FBXL13: variants seen among roughly 807,000 people sequenced by gnomAD.
The protein encoded by FBXL13 is F-box and leucine-rich repeat protein 13.
FBXL13 carries 67 observed loss-of-function variants against 83.6 expected under a neutral mutation model. The ratio of observed to expected loss-of-function variants is 0.80; its 90% CI spans 0.66 to 0.98. FBXL13 has a LOEUF of 0.98. Ranked by LOEUF, FBXL13 falls within the 50% of genes least tolerant of loss-of-function variation. The pLI, the probability that FBXL13 is intolerant of heterozygous loss-of-function variation, is 0.00. For missense variants in FBXL13, 822 were observed against 866.5 expected, an observed-to-expected ratio of 0.95 and a Z score of 0.64; for synonymous variants, 272 against 299.5, an observed-to-expected ratio of 0.91 and a Z score of 0.95.
intron 16 of FBXL13, among the ~76,000 whole-genome samples, chr7:102,872,888 T>G (rs745333550): frequency 6.6e-6 from 1 of 152,250 alleles, no homozygotes; most frequent in Non-Finnish European, 1.5e-5. Context: ...TTCCCTAATA[T>G]GTACTTGGTA....
intron 6 of FBXL13, among the ~76,000 whole-genome samples, chr7:103,003,283 T>TTG (rs1295176475): frequency 1.8e-5 from 2 of 112,802 alleles, no homozygotes; most frequent in African/African-American, 6.6e-5. Flanking sequence ...TTGGGGTTTT[T>TTG]TTTTTTTTTT....
chr7:102,841,131 T>A (rs928227279), intron 17 of FBXL13, among the ~76,000 whole-genome samples: 8 of 152,146 alleles, frequency 5.3e-5, no homozygotes, highest in African/African-American at 1.9e-4. Context: ...GTGTGTCACA[T>A]AGAAGAGGGA....
At chr7:103,051,873 C>T (rs907279452) in intron 2 of FBXL13, among the ~76,000 whole-genome samples, 4 of 152,196 alleles carry the variant, frequency 2.6e-5, no homozygotes, top group Non-Finnish European at 4.4e-5. Flanking sequence ...GGTTAAAGTA[C>T]GGCTGCTGGG....
At chr7:102,889,091 G>A (rs1466934592) in intron 11 of FBXL13, among the ~76,000 whole-genome samples, 1 of 152,188 alleles carries the variant, frequency 6.6e-6, no homozygotes, top group Non-Finnish European at 1.5e-5. Context: ...GGCACATTTT[G>A]CTCCCATGGG....
intron 10 of FBXL13, among the ~76,000 whole-genome samples, chr7:102,924,453 CTG>C (rs1817672291): frequency 6.6e-6 from 1 of 151,912 alleles, no homozygotes; most frequent in Non-Finnish European, 1.5e-5. Flanking sequence ...AGGAGGAAGA[CTG>C]TGTGTAAGAG....
In FBXL13 at chr7:102,984,653, G is replaced by C. The variant is rs184073343; in HGVS notation, c.496-16536C>G. Among the ~76,000 whole-genome samples the C allele has an allele frequency of 2.4e-4, 37 of 152,274 alleles. No individual in the cohort carries two copies. In the East Asian group the frequency reaches 6.7e-3, roughly 28 times the overall value. ...TTTTTTAATGCCGTACTTTCAATAA[G>C]AAGGGAAAGAAGATAACAATTGTAT... is the stretch of plus-strand genomic sequence containing the variant. On this transcript the variant is annotated intron_variant, in intron 6 of 19. Coordinates refer to ENST00000313221, the Ensembl canonical transcript of FBXL13.
chr7:103,053,249 T>C lies in FBXL13; in HGVS notation c.-1+2395A>G, dbSNP rs145678226. On this transcript the variant is annotated intron_variant, in intron 2 of 19. Transcript: ENST00000313221. ...CACATTGCAACCTCCACCTCCTTGA[T>C]TCAAGTGATTCTCCTGCCTCAGCCT... is the stretch of plus-strand genomic sequence containing the variant. Among the ~76,000 whole-genome samples, 980 of 151,966 alleles carry C rather than the reference T, an allele frequency of 6.4e-3. 5 individuals carry two copies. Among genetic ancestry groups the C allele is most frequent in the Non-Finnish European group, 8.6e-3 (585 of 67,970 alleles).
At position 102,878,460 on chromosome 7, in the gene FBXL13, A is replaced by G; in HGVS notation, c.1389-10T>C. The G allele has an allele frequency of 6.4e-7, 1 of 1,562,132 alleles. No homozygotes were observed. Among genetic ancestry groups the G allele is most frequent in the Non-Finnish European group, 8.6e-7 (1 of 1,159,124 alleles). ...TCCCATATCACCAATTCTGTAGGAAAGAGAGAAAAATTTTACATGTGATTC... is the reference window on the plus strand; with the variant it reads ...TCCCATATCACCAATTCTGTAGGAAGGAGAGAAAAATTTTACATGTGATTC... On this transcript the variant is annotated splice_polypyrimidine_tract_variant and intron_variant, in intron 14 of 19. Coordinates refer to ENST00000313221, the Ensembl canonical transcript of FBXL13.
At position 102,835,855 on chromosome 7, in the gene FBXL13, C is replaced by T. The variant is rs532659040; in HGVS notation, c.1720-2881G>A. On this transcript the variant is annotated intron_variant, in intron 17 of 19. Coordinates refer to ENST00000313221, the Ensembl canonical transcript of FBXL13. ...CGATCTCCTGACCTCGTGATCCGCC[C>T]GCCTCGGCCTCCCAAAGTGCTGGGA... Among the ~76,000 whole-genome samples the T allele has an allele frequency of 1.1e-4, 16 of 151,896 alleles. No homozygotes were observed. The South Asian group carries it at 1.2e-3, about 12-fold the overall frequency.
At chr7:102,892,748 A>G (rs989324810) in intron 11 of FBXL13, among the ~76,000 whole-genome samples, 3 of 152,252 alleles carry the variant, frequency 2.0e-5, no homozygotes, top group Admixed American at 6.5e-5. Flanking sequence ...AAGGTAGTAC[A>G]TACTCAAAAT....
In FBXL13 at chr7:102,942,311, C is replaced by T. The variant is rs772904423; in HGVS notation, c.725-10378G>A. 8 of 1,596,914 alleles carry T rather than the reference C, an allele frequency of 5.0e-6. No homozygotes were observed. In the African/African-American group the frequency reaches 9.5e-5, roughly 19 times the overall value. ...TCAGGGTCTTTGAGATGAAACCCTG[C>T]AAGTAGACTTACGTGAATGATTTTT... On this transcript the variant is annotated intron_variant, in intron 8 of 19. Coordinates refer to ENST00000313221, the Ensembl canonical transcript of FBXL13.
In FBXL13 at chr7:103,069,157, C is replaced by T. The variant is rs1430262380; in HGVS notation, c.-105+5089G>A. On this transcript the variant is annotated intron_variant, in intron 1 of 19. Coordinates refer to ENST00000313221, the Ensembl canonical transcript of FBXL13. ...TGAGGAGGCCCTCTGCCCTGCCGCC[C>T]CACTGTCTGGGAAGTAAGGCGCACC... 7.3e-5 allele frequency among the ~76,000 whole-genome samples: 11 copies of T among 151,124 alleles called. No individual in the cohort carries two copies. The East Asian group carries it at 2.2e-3, about 30-fold the overall frequency.
At chr7:102,851,733 T>C (rs890504397) in intron 17 of FBXL13, among the ~76,000 whole-genome samples, 12 of 152,058 alleles carry the variant, frequency 7.9e-5, no homozygotes, top group African/African-American at 2.7e-4. Flanking sequence ...AATACATGTA[T>C]GACACATGAC....
chr7:102,940,363 C>G (rs1262103925), intron 8 of FBXL13, among the ~76,000 whole-genome samples: 1 of 151,880 alleles, frequency 6.6e-6, no homozygotes, highest in Non-Finnish European at 1.5e-5. Context: ...GCACCCGCCA[C>G]CACGCCCGGC....
At chr7:102,956,907 A>C (rs1824361743) in intron 8 of FBXL13, among the ~76,000 whole-genome samples, 1 of 152,188 alleles carries the variant, frequency 6.6e-6, no homozygotes, top group African/African-American at 2.4e-5. Flanking sequence ...ATGGAAGAAC[A>C]TTCCATGCTC....
exon 8 of FBXL13, chr7:102,963,552 G>A (rs1359530391): frequency 2.5e-6 from 4 of 1,612,176 alleles, no homozygotes; most frequent in Non-Finnish European, 3.4e-6. Context: ...TGAAAGTTTT[G>A]GGTCGGAGAA....
chr7:103,055,034 A>C (rs2129496201), intron 2 of FBXL13, 54 bp downstream of exon 3: 4 of 1,096,108 alleles, frequency 3.6e-6, no homozygotes, highest in Middle Eastern at 2.4e-4. Context: ...TACTTGGAAA[A>C]TTCCATCGAA....
rs138834782 is a variant in FBXL13, at chr7:103,062,447, T to A, written c.-104-6700A>T. On this transcript the variant is annotated intron_variant, in intron 1 of 19. Transcript: ENST00000313221. Reference sequence around the variant, plus strand: ...ACAAATGCCTTTGGGAAGGAGTATATCCAAAAATAGAGGGCACATTAAGCT... The same window carrying A: ...ACAAATGCCTTTGGGAAGGAGTATAACCAAAAATAGAGGGCACATTAAGCT... Among the ~76,000 whole-genome samples the A allele has an allele frequency of 4.8e-3, 728 of 152,206 alleles. 6 individuals carry two copies. The highest frequency in any genetic ancestry group is 0.017 in the African/African-American group (688 of 41,526).
At position 102,993,790 on chromosome 7, in the gene FBXL13, G is replaced by A. The variant is rs575460412; in HGVS notation, c.496-25673C>T. ...AAAACAGAACCTGACTTGTTTTCATGAGTTGATGTAACTGAACCTAAAATG... is the reference window on the plus strand; with the variant it reads ...AAAACAGAACCTGACTTGTTTTCATAAGTTGATGTAACTGAACCTAAAATG... On this transcript the variant is annotated intron_variant, in intron 6 of 19. Transcript: ENST00000313221. Among the ~76,000 whole-genome samples, 134 of 152,314 alleles carry A rather than the reference G, an allele frequency of 8.8e-4. 3 individuals are homozygous for A. The South Asian group carries it at 0.026, about 30-fold the overall frequency.
Sources: gnomAD v4.1 joint callset for allele counts (sites outside exome capture counted in the v4.1 genomes callset) on GRCh38, gnomAD v4.1.1 for gene constraint, MANE v1.5 for transcripts, NCBI Gene and HGNC (gene_info 2026-07-23, HGNC 2026-07-21) for gene names.